NRG3: variants seen among roughly 807,000 people sequenced by gnomAD.
NRG3 encodes the protein neuregulin 3.
Under a neutral mutation model 66.9 loss-of-function variants are expected in NRG3, and 31 were observed. That is an observed-to-expected ratio of 0.46 (90% CI 0.35 to 0.63). NRG3 has a LOEUF of 0.63. Ranked by LOEUF, NRG3 falls within the 20% of genes least tolerant of loss-of-function variation. The probability of loss-of-function intolerance (pLI) is 0.00; values close to 1 mark genes in which losing one functional copy is unlikely to be tolerated. For synonymous variants in NRG3, 393 were observed against 359.4 expected, an observed-to-expected ratio of 1.09 and a Z score of -1.06; for missense variants, 910 against 878.9, an observed-to-expected ratio of 1.04 and a Z score of -0.45.
chr10:82,282,801 A>G (rs931935529), intron 1 of NRG3, among the ~76,000 whole-genome samples: 2 of 152,040 alleles, frequency 1.3e-5, no homozygotes, highest in African/African-American at 4.8e-5. Flanking sequence ...ATGCTTTTCC[A>G]CTAGCACCTC....
intron 1 of NRG3, among the ~76,000 whole-genome samples, chr10:82,327,411 T>C (rs1331901750): frequency 6.6e-6 from 1 of 152,036 alleles, no homozygotes; most frequent in Non-Finnish European, 1.5e-5. Context: ...ATCAAGAGAG[T>C]CTGAGAAAGA....
chr10:82,296,706 A>G (rs939716981), intron 1 of NRG3, among the ~76,000 whole-genome samples: 1 of 151,698 alleles, frequency 6.6e-6, no homozygotes, highest in Admixed American at 6.6e-5. Context: ...TATACAATAC[A>G]TTGTTGTTAA....
Position 81,892,432 on chromosome 10 carries a change from C to A in NRG3, c.823+16269C>A, listed in dbSNP as rs762688459. 5.5e-4 allele frequency among the ~76,000 whole-genome samples: 84 copies of A among 152,134 alleles called. 1 individual carries two copies. The Middle Eastern group carries it at 0.034, about 62-fold the overall frequency. On this transcript the variant is annotated intron_variant, in intron 1 of 8. Transcript: ENST00000372141. ...AATTCTAGATATGATATCTCACCCC[C>A]TTAAGTAAATGGAACTCTTACTTGC...
At chr10:82,072,534 T>C (rs2064866171) in intron 1 of NRG3, among the ~76,000 whole-genome samples, 1 of 152,186 alleles carries the variant, frequency 6.6e-6, no homozygotes, top group South Asian at 2.1e-4. Context: ...TTTGAGAAAG[T>C]GCTTCTAGGA....
chr10:82,608,194 AC>A (rs1198986501), intron 2 of NRG3, among the ~76,000 whole-genome samples: 1 of 152,202 alleles, frequency 6.6e-6, no homozygotes, highest in African/African-American at 2.4e-5. Context: ...GTCATTGGAT[AC>A]AGATTTTAGC....
At chr10:81,962,455 G>A (rs550989627) in intron 1 of NRG3, among the ~76,000 whole-genome samples, 16 of 152,086 alleles carry the variant, frequency 1.1e-4, no homozygotes, top group Non-Finnish European at 8.8e-5. Flanking sequence ...GAGCTTTGGA[G>A]TTGACACTTT....
intron 1 of NRG3, among the ~76,000 whole-genome samples, chr10:82,326,212 G>A (rs2081865139): frequency 1.3e-5 from 2 of 152,106 alleles, no homozygotes; most frequent in African/African-American, 2.4e-5. Flanking sequence ...GTTTCTTAAA[G>A]ATCAGCTCTA....
At chr10:82,850,693 G>A (rs1257958964) in intron 3 of NRG3, among the ~76,000 whole-genome samples, 1 of 142,108 alleles carries the variant, frequency 7.0e-6, no homozygotes, top group Non-Finnish European at 1.5e-5. Context: ...CCTTATTTTA[G>A]ACTCCAAATT....
At chr10:81,956,351 A>C (rs989738428) in intron 1 of NRG3, among the ~76,000 whole-genome samples, 4 of 152,194 alleles carry the variant, frequency 2.6e-5, no homozygotes, top group African/African-American at 7.2e-5. Flanking sequence ...TTCCAGGCTG[A>C]AGCCAGCATC....
At chr10:82,784,997 C>T (rs2060285157) in intron 3 of NRG3, among the ~76,000 whole-genome samples, 1 of 152,120 alleles carries the variant, frequency 6.6e-6, no homozygotes, top group African/African-American at 2.4e-5. Flanking sequence ...AAATGTGGCA[C>T]ATATACACCA....
chr10:82,692,251 C>CA (rs11323182), intron 2 of NRG3, among the ~76,000 whole-genome samples: 93 of 120,726 alleles, frequency 7.7e-4, no homozygotes, highest in African/African-American at 1.8e-3. Context: ...GATTCCATCT[C>CA]AAAAAAAAAA....
In NRG3 at chr10:82,979,121, G is replaced by A; in HGVS notation, c.1583+1G>A. The A allele has an allele frequency of 1.9e-6, 3 of 1,613,872 alleles. No homozygotes were observed. Among genetic ancestry groups the A allele is most frequent in the Non-Finnish European group, 2.5e-6 (3 of 1,179,866 alleles). ...ACCAGGATACGATACCTTGCCAAGG[G>A]TAGGTCTTAAAACAGCAGTGGAATT... On this transcript the variant is annotated splice_donor_variant, in intron 8 of 8. Transcript: ENST00000372141. LOFTEE classifies it high-confidence loss of function.
chr10:82,654,037 A>G (rs1334579902), intron 2 of NRG3, among the ~76,000 whole-genome samples: 1 of 152,220 alleles, frequency 6.6e-6, no homozygotes, highest in Non-Finnish European at 1.5e-5. Flanking sequence ...CAGTTAGACA[A>G]GAGCACTACA....
intron 1 of NRG3, among the ~76,000 whole-genome samples, chr10:82,160,748 A>G (rs1323400230): frequency 6.6e-6 from 1 of 152,048 alleles, no homozygotes; most frequent in Non-Finnish European, 1.5e-5. Context: ...TTTTAAGGAT[A>G]AAGACCAACA....
chr10:82,497,840 A>T (rs759327504), intron 2 of NRG3, among the ~76,000 whole-genome samples: 1 of 152,142 alleles, frequency 6.6e-6, no homozygotes, highest in Non-Finnish European at 1.5e-5. Flanking sequence ...TAATGGCTAT[A>T]CCAGTTCTCC....
At chr10:82,667,543 A>AT (rs952839475) in intron 2 of NRG3, among the ~76,000 whole-genome samples, 19 of 151,774 alleles carry the variant, frequency 1.3e-4, no homozygotes, top group South Asian at 4.2e-4. Flanking sequence ...AGGAAAGCTA[A>AT]TTTTTTTTTA....
intron 1 of NRG3, among the ~76,000 whole-genome samples, chr10:82,312,130 C>T (rs2081060974): frequency 6.6e-6 from 1 of 152,126 alleles, no homozygotes; most frequent in South Asian, 2.1e-4. Context: ...TTTCTTCTAC[C>T]TGAATACTCC....
chr10:82,198,105 A>T (rs957559088), intron 1 of NRG3, among the ~76,000 whole-genome samples: 1 of 152,208 alleles, frequency 6.6e-6, no homozygotes, highest in Non-Finnish European at 1.5e-5. Context: ...GTTCCATTAA[A>T]AGCCCCTGCT....
chr10:82,210,598 T>A (rs1461752776), intron 1 of NRG3, among the ~76,000 whole-genome samples: 1 of 152,140 alleles, frequency 6.6e-6, no homozygotes, highest in African/African-American at 2.4e-5. Context: ...GCAGTACTAA[T>A]TTTGACTCTG....
Sources: allele counts gnomAD v4.1 joint callset (sites outside exome capture counted in the v4.1 genomes callset), GRCh38; gene constraint gnomAD v4.1.1; transcripts MANE v1.5; gene names NCBI Gene and HGNC (gene_info 2026-07-23, HGNC 2026-07-21).